Variants in COL6A3 observed in about 807,000 individuals in gnomAD.
COL6A3 encodes the protein collagen alpha-3(VI) chain.
Under a neutral mutation model 274.1 loss-of-function variants are expected in COL6A3, and 137 were observed. The ratio of observed to expected loss-of-function variants is 0.50; its 90% CI spans 0.44 to 0.58. The LOEUF is 0.58. Among genes scored for constraint, COL6A3 ranks in the 20% least tolerant of loss-of-function variants. COL6A3 has a pLI of 0.00. For missense variants in COL6A3, 3,950 were observed against 4,124.9 expected, an observed-to-expected ratio of 0.96 and a Z score of 1.16; for synonymous variants, 1,650 against 1,650.6, an observed-to-expected ratio of 1.00 and a Z score of 0.01.
chr2:237,360,706 A>G (rs2077416966), intron 16 of COL6A3, among the ~76,000 whole-genome samples: 2 of 152,090 alleles, frequency 1.3e-5, no homozygotes, highest in Admixed American at 6.5e-5. Flanking sequence ...GATACTGATG[A>G]TCTGATCCAG....
At chr2:237,385,634 T>C (rs1211474256) in intron 4 of COL6A3, among the ~76,000 whole-genome samples, 2 of 152,150 alleles carry the variant, frequency 1.3e-5, no homozygotes, top group African/African-American at 4.8e-5. Context: ...TCTCTGGGCT[T>C]CTATACTTTG....
chr2:237,349,853 G>A (rs1318167024), intron 28 of COL6A3, among the ~76,000 whole-genome samples: 1 of 152,114 alleles, frequency 6.6e-6, no homozygotes, highest in Non-Finnish European at 1.5e-5. Flanking sequence ...AGCATTTGCG[G>A]GACCTAAGAT....
At chr2:237,354,878 G>A (rs2077283262) in intron 24 of COL6A3, 21 bp downstream of exon 24, 2 of 1,611,854 alleles carry the variant, frequency 1.2e-6, no homozygotes, top group Non-Finnish European at 1.7e-6. Context: ...GAGTCTCCAG[G>A]GGGCACTGCA....
chr2:237,341,699 G>A (rs2076993458), intron 37 of COL6A3, among the ~76,000 whole-genome samples: 2 of 152,062 alleles, frequency 1.3e-5, no homozygotes, highest in Admixed American at 6.6e-5. Flanking sequence ...ACCATGTGCT[G>A]GCATTTTTAA....
intron 42 of COL6A3, chr2:237,333,120 C>A: frequency 5.3e-6 from 2 of 378,100 alleles, no homozygotes; most frequent in Non-Finnish European, 1.0e-5. Context: ...AAATGAAACG[C>A]CAATCTTCAC....
intron 7 of COL6A3, among the ~76,000 whole-genome samples, chr2:237,376,310 A>T (rs1282239395): frequency 6.6e-6 from 1 of 152,226 alleles, no homozygotes; most frequent in African/African-American, 2.4e-5. Context: ...TGCAGAGTTT[A>T]TGGTGGAAAG....
At position 237,344,264 on chromosome 2, in the gene COL6A3, G is replaced by A. The variant is rs747778957; in HGVS notation, c.7668+86C>T. Reference sequence around the variant, plus strand: ...CGTTTTAGGAGCTATGGGACATGAAGCCACAAAGGAGCATGGACGTGTCTG... The same window carrying A: ...CGTTTTAGGAGCTATGGGACATGAAACCACAAAGGAGCATGGACGTGTCTG... On this transcript the variant is annotated intron_variant, in intron 36 of 43. Transcript: ENST00000295550. This position sits in a 1 kb window ranked among gnomAD's most constrained non-coding sequence, Gnocchi z 4.8. 3.4e-5 allele frequency: 54 copies of A among 1,599,462 alleles called. No individual in the cohort carries two copies. The highest frequency in any genetic ancestry group is 4.4e-5 in the Non-Finnish European group (51 of 1,169,266).
rs756132020 is a variant in COL6A3 at position 237,387,206 on chromosome 2, A to G, written c.1312+376T>C. On this transcript the variant is annotated intron_variant, in intron 4 of 43. Coordinates refer to ENST00000295550, the MANE Select transcript of COL6A3 (RefSeq NM_004369.4). The stretch of plus-strand genomic sequence containing the variant: ...ACACTGACTTTTAGAGCTCAATGCC[A>G]TAGTCCTGGAGTAACTTTCTCAGAA... Among the ~76,000 whole-genome samples the G allele has an allele frequency of 3.9e-5, 6 of 152,200 alleles. No homozygotes were observed. The South Asian group carries it at 8.3e-4, about 21-fold the overall frequency.
Position 237,378,878 on chromosome 2 carries a change from G to C in COL6A3, c.2255C>G (p.Ala752Gly). The part of the protein sequence containing the change: ...HVPQLLLLLT[A>G]GQSEDSYLQA... ...CAAATAGGAGTCCTCAGACTGCCCA[G>C]CTGTGAGCAGAAGCAGGAGCTGCGG... Residue 752 changes from alanine (A) to glycine (G), a missense_variant, in exon 6 of 44, where the codon GCT becomes GGT. By Grantham distance (60) the Ala-to-Gly change is moderately conservative. Coordinates refer to ENST00000295550, the MANE Select transcript of COL6A3 (RefSeq NM_004369.4). 6.2e-7 allele frequency: 1 copy of C among 1,614,240 alleles called. No individual in the cohort carries two copies.
chr2:237,333,496 G>A lies in COL6A3; in HGVS notation c.9282C>T (p.Thr3094=), dbSNP rs991720187. Residue 3094 remains threonine, a synonymous_variant, in exon 42 of 44, where the codon ACC becomes ACT. Transcript: ENST00000295550. The part of the protein sequence containing the change: ...PQPARSASSS[T]INLMVSTEPL... ...GTTCTGTGCTCACCATTAGATTGAT[G>A]GTTGAACTAGAAGCTGACCTTGCTG... The A allele has an allele frequency of 4.3e-6, 7 of 1,614,060 alleles. No homozygotes were observed. Among genetic ancestry groups the A allele is most frequent in the Admixed American group, 1.7e-5 (1 of 59,998 alleles).
Position 237,364,358 on chromosome 2 carries a change from C to G in COL6A3, c.5909G>C (p.Arg1970Pro). Residue 1970 changes from arginine to proline, a missense_variant, in exon 13 of 44, where the codon CGC becomes CCC. By Grantham distance (103) the Arg-to-Pro change is moderately radical. Coordinates refer to ENST00000295550, the MANE Select transcript of COL6A3 (RefSeq NM_004369.4). The surrounding 1 kb of genome is among the most constrained non-coding windows in gnomAD (Gnocchi z 4.6). Reference protein sequence around the residue: ...ADLHRASENLRQEGVRALILV... With the variant: ...ADLHRASENLPQEGVRALILV... The stretch of plus-strand genomic sequence containing the variant: ...AAAGCCTTGGCACCTACCTTCTTGG[C>G]GGAGGTTCTCAGATGCTCTGTGTAA... The G allele has an allele frequency of 6.2e-7, 1 of 1,613,518 alleles. No homozygotes were observed. Among genetic ancestry groups the G allele is most frequent in the Non-Finnish European group, 8.5e-7 (1 of 1,179,550 alleles).
intron 40 of COL6A3, among the ~76,000 whole-genome samples, chr2:237,335,811 G>A (rs1470951024): frequency 2.6e-5 from 4 of 152,120 alleles, no homozygotes; most frequent in African/African-American, 9.7e-5. Context: ...CCCTAAATAG[G>A]AGCTAAAACC....
In COL6A3 at chr2:237,371,362, C is replaced by T. The variant is rs777206025; in HGVS notation, c.4285+370G>A. 2.0e-5 allele frequency among the ~76,000 whole-genome samples: 3 copies of T among 152,046 alleles called. No homozygotes were observed. The highest frequency in any genetic ancestry group is 4.4e-5 in the Non-Finnish European group (3 of 68,016). On this transcript the variant is annotated intron_variant, in intron 9 of 43. Transcript: ENST00000295550. The surrounding 1 kb of genome is among the most constrained non-coding windows in gnomAD (Gnocchi z 4.3). The stretch of plus-strand genomic sequence containing the variant: ...CTGTAATCCCAGCACTTTGGGAGGC[C>T]GCAGCAGGTGGATCACTTGAGCTCA...
chr2:237,411,468 C>T (rs1386741490), intron 1 of COL6A3, among the ~76,000 whole-genome samples: 1 of 152,184 alleles, frequency 6.6e-6, no homozygotes, highest in Non-Finnish European at 1.5e-5. Context: ...TCACTGCCAG[C>T]TTCCAAAGCT....
In COL6A3 at chr2:237,365,887, G is replaced by T. The variant is rs886044430; in HGVS notation, c.5649C>A (p.Pro1883=). The T allele has an allele frequency of 6.2e-7, 1 of 1,614,054 alleles. No homozygotes were observed. The highest frequency in any genetic ancestry group is 8.5e-7 in the Non-Finnish European group (1 of 1,180,038). The change falls in exon 12 of 44, where the codon CCC becomes CCA. Residue 1883 remains proline, a synonymous_variant. Transcript: ENST00000295550. ...HRVSCSGGRS[P]TVRVSVVANT... ...TGGCCACCACTGACACACGCACGGT[G>T]GGCGAGCGGCCACCGCTGCAGCTGA...
At position 237,364,160 on chromosome 2, in the gene COL6A3, G is replaced by A. The variant is rs2077497258; in HGVS notation, c.5917+190C>T. 6.6e-6 allele frequency among the ~76,000 whole-genome samples: 1 copy of A among 152,156 alleles called. No homozygotes were observed. The highest frequency in any genetic ancestry group is 2.1e-4 in the South Asian group (1 of 4,816). On this transcript the variant is annotated intron_variant, in intron 13 of 43. Transcript: ENST00000295550. This position sits in a 1 kb window ranked among gnomAD's most constrained non-coding sequence, Gnocchi z 4.6. ...CAGTAAAGCTGTCTAAGTACAGAAG[G>A]AATTTTTGTTAGCTCCATCCCACAG... is the stretch of plus-strand genomic sequence containing the variant.
At chr2:237,389,568 G>T (rs191148995) in intron 3 of COL6A3, among the ~76,000 whole-genome samples, 26 of 152,242 alleles carry the variant, frequency 1.7e-4, no homozygotes, top group African/African-American at 6.3e-4. Flanking sequence ...CTGTAGAAAA[G>T]GATCCAAAGC....
intron 3 of COL6A3, among the ~76,000 whole-genome samples, chr2:237,391,538 GTT>G (rs2078288723): frequency 1.4e-5 from 2 of 147,600 alleles, no homozygotes; most frequent in African/African-American, 5.3e-5. Context: ...TTGTTTGTTT[GTT>G]TGTTTGTTTT....
At chr2:237,334,538 T>C in intron 41 of COL6A3, 88 bp downstream of exon 41, 1 of 1,424,884 alleles carries the variant, frequency 7.0e-7, no homozygotes, top group Middle Eastern at 2.4e-4. Flanking sequence ...TATTTCAGAA[T>C]AGATTCAATA....
Sources: gnomAD v4.1 joint callset for allele counts (sites outside exome capture counted in the v4.1 genomes callset) on GRCh38, gnomAD v4.1.1 for gene constraint, Gnocchi (gnomAD v3.1) non-coding constraint, MANE v1.5 for transcripts, NCBI Gene and HGNC (gene_info 2026-07-23, HGNC 2026-07-21) for gene names.